HECW2: variants seen among roughly 807,000 people sequenced by gnomAD.
HECW2 encodes E3 ubiquitin-protein ligase HECW2.
HECW2 carries 61 observed loss-of-function variants against 175.2 expected under a neutral mutation model. The observed-to-expected ratio is 0.35, with a 90% CI of 0.28 to 0.43. The LOEUF is 0.43. Among genes scored for constraint, HECW2 ranks in the 20% least tolerant of loss-of-function variants. HECW2 has a pLI of 1.00. For synonymous variants in HECW2, 671 were observed against 731.0 expected (o/e 0.92, Z 1.32); for missense variants, 1,524 against 2,000.5 (o/e 0.76, Z 4.54).
intron 1 of HECW2, among the ~76,000 whole-genome samples, chr2:196,580,709 G>C (rs955840334): frequency 6.7e-6 from 1 of 148,822 alleles, no homozygotes; most frequent in South Asian, 2.1e-4. Flanking sequence ...CTCATACATC[G>C]ATTAGAATAT....
intron 1 of HECW2, among the ~76,000 whole-genome samples, chr2:196,511,725 A>T (rs182579504): frequency 6.6e-6 from 1 of 152,322 alleles, no homozygotes; most frequent in East Asian, 1.9e-4. Context: ...ATTGCATGAG[A>T]AAAGTGTGTG....
intron 1 of HECW2, among the ~76,000 whole-genome samples, chr2:196,522,430 C>T (rs1688437334): frequency 6.6e-6 from 1 of 152,094 alleles, no homozygotes; most frequent in Admixed American, 6.5e-5. Flanking sequence ...CTGTAGGTTG[C>T]CTGTTCACTC....
At chr2:196,282,167 T>C (rs185471881) in intron 14 of HECW2, among the ~76,000 whole-genome samples, 6 of 152,312 alleles carry the variant, frequency 3.9e-5, no homozygotes, top group Admixed American at 3.9e-4. Context: ...TCCTTGTAAG[T>C]ATGTGTGGCC....
At chr2:196,528,604 C>G (rs1688746823) in intron 1 of HECW2, among the ~76,000 whole-genome samples, 1 of 152,116 alleles carries the variant, frequency 6.6e-6, no homozygotes, top group South Asian at 2.1e-4. Flanking sequence ...AAAAGCAAAA[C>G]AAAACAAAAG....
intron 1 of HECW2, among the ~76,000 whole-genome samples, chr2:196,535,313 T>C (rs1421655115): frequency 6.6e-6 from 1 of 152,208 alleles, no homozygotes; most frequent in African/African-American, 2.4e-5. Flanking sequence ...CTGTTTACCA[T>C]GCTAGTTTTG....
At chr2:196,261,934 A>C (rs895719705) in intron 17 of HECW2, among the ~76,000 whole-genome samples, 2 of 152,256 alleles carry the variant, frequency 1.3e-5, no homozygotes, top group Admixed American at 1.3e-4. Context: ...TTGGAATAAC[A>C]TAACAAGTTT....
At chr2:196,430,092 A>G (rs1695664508) in intron 2 of HECW2, among the ~76,000 whole-genome samples, 1 of 152,178 alleles carries the variant, frequency 6.6e-6, no homozygotes, top group Non-Finnish European at 1.5e-5. Flanking sequence ...GAGTAAGCAG[A>G]ATGTACTAAT....
chr2:196,243,998 C>T (rs1269356178), intron 19 of HECW2, among the ~76,000 whole-genome samples: 3 of 152,218 alleles, frequency 2.0e-5, no homozygotes, highest in Non-Finnish European at 4.4e-5. Context: ...GACAAAAACA[C>T]TGGATATTTC....
At chr2:196,404,802 T>C (rs1694913984) in intron 2 of HECW2, among the ~76,000 whole-genome samples, 1 of 144,708 alleles carries the variant, frequency 6.9e-6, no homozygotes. Flanking sequence ...TATTTCTTTT[T>C]TTTTCTTTTT....
intron 14 of HECW2, among the ~76,000 whole-genome samples, chr2:196,282,258 T>C (rs1238064986): frequency 6.6e-6 from 1 of 152,220 alleles, no homozygotes; most frequent in Non-Finnish European, 1.5e-5. Flanking sequence ...CTTCGTTCTG[T>C]CCTTCACCCA....
At chr2:196,575,848 C>G (rs1479075927) in intron 1 of HECW2, among the ~76,000 whole-genome samples, 2 of 150,996 alleles carry the variant, frequency 1.3e-5, no homozygotes, top group South Asian at 2.1e-4. Flanking sequence ...CTGCCAAGCT[C>G]TTTTAAACAA....
rs370006828 is a variant in HECW2, at chr2:196,293,173, C to T, written c.2815-423G>A. On this transcript the variant is annotated intron_variant, in intron 13 of 28. Coordinates refer to ENST00000644978, the MANE Select transcript of HECW2 (RefSeq NM_001348768.2). ...TCCCCCAGTCCTACTCTGAAACAGG[C>T]CCCAGTGTGTGTTGTTCCCCTCTCT... Among the ~76,000 whole-genome samples, 9 of 152,156 alleles carry T rather than the reference C, an allele frequency of 5.9e-5. No homozygotes were observed. The East Asian group carries it at 1.2e-3, about 20-fold the overall frequency.
chr2:196,426,017 C>T (rs1695536675), intron 2 of HECW2, among the ~76,000 whole-genome samples: 1 of 152,110 alleles, frequency 6.6e-6, no homozygotes, highest in African/African-American at 2.4e-5. Flanking sequence ...CAGCAACCAC[C>T]ACCCTGATCA....
intron 2 of HECW2, among the ~76,000 whole-genome samples, chr2:196,403,821 T>C (rs1575506436): frequency 6.6e-6 from 1 of 152,186 alleles, no homozygotes; most frequent in South Asian, 2.1e-4. Flanking sequence ...AAAAAGAACA[T>C]GTCTGTCTTC....
intron 1 of HECW2, among the ~76,000 whole-genome samples, chr2:196,532,632 T>C (rs1688880338): frequency 6.6e-6 from 1 of 151,840 alleles, no homozygotes; most frequent in South Asian, 2.1e-4. Flanking sequence ...TATAATAATT[T>C]AAAAAATAGT....
intron 2 of HECW2, among the ~76,000 whole-genome samples, chr2:196,420,663 G>C (rs1196258408): frequency 6.6e-6 from 1 of 152,140 alleles, no homozygotes; most frequent in Non-Finnish European, 1.5e-5. Flanking sequence ...ATTTTATAAT[G>C]CAACATTTTT....
intron 21 of HECW2, 173 bp downstream of exon 21, chr2:196,240,276 T>G: frequency 2.5e-6 from 1 of 402,232 alleles, no homozygotes; most frequent in Non-Finnish European, 4.4e-6. Context: ...TGTCAAGTGA[T>G]TTAAAAGCCA....
chr2:196,586,336 AAC>A (rs1463699438), intron 1 of HECW2, among the ~76,000 whole-genome samples: 1 of 152,236 alleles, frequency 6.6e-6, no homozygotes, highest in Non-Finnish European at 1.5e-5. Flanking sequence ...CACTTGATAT[AAC>A]ACAAATCATT....
chr2:196,554,997 C>G (rs1322433726), intron 1 of HECW2, among the ~76,000 whole-genome samples: 1 of 152,136 alleles, frequency 6.6e-6, no homozygotes, highest in Non-Finnish European at 1.5e-5. Flanking sequence ...ACACTCTGCC[C>G]TCTACTTTAA....
Sources: gnomAD v4.1 joint callset for allele counts (sites outside exome capture counted in the v4.1 genomes callset) on GRCh38, gnomAD v4.1.1 for gene constraint, MANE v1.5 for transcripts, NCBI Gene and HGNC (gene_info 2026-07-23, HGNC 2026-07-21) for gene names.